HEATR5B: variants seen among roughly 807,000 people sequenced by gnomAD.
HEATR5B encodes HEAT repeat-containing protein 5B.
HEATR5B carries 156 observed loss-of-function variants against 224.1 expected under a neutral mutation model. The ratio of observed to expected loss-of-function variants is 0.70; its 90% CI spans 0.61 to 0.80. HEATR5B has a LOEUF of 0.80. HEATR5B is among the 30% of genes least tolerant of loss of function. The pLI is 0.00. For missense variants in HEATR5B, 2,323 were observed against 2,535.5 expected, an observed-to-expected ratio of 0.92 and a Z score of 1.80; for synonymous variants, 1,027 against 893.0, an observed-to-expected ratio of 1.15 and a Z score of -2.68.
Position 37,060,191 on chromosome 2 carries a change from GAAA to G in HEATR5B, c.1849+387_1849+389del, listed in dbSNP as rs1287468934. Among the ~76,000 whole-genome samples the G allele has an allele frequency of 2.0e-5, 3 of 152,304 alleles. No homozygotes were observed. The East Asian group carries it at 5.8e-4, about 29-fold the overall frequency. ...GAAAAAACAGCTGTTTCTCCATTAT[GAAA>G]AGACTAACTGCAAATGCCAATAACT... is the stretch of plus-strand genomic sequence containing the variant. On this transcript the variant is annotated intron_variant, in intron 12 of 35. Transcript: ENST00000233099.
intron 33 of HEATR5B, among the ~76,000 whole-genome samples, chr2:36,996,092 C>T (rs536642854): frequency 4.7e-5 from 7 of 148,040 alleles, no homozygotes; most frequent in African/African-American, 5.0e-5. Context: ...GAGGGAGTCT[C>T]GCTCTGTCAC....
intron 22 of HEATR5B, among the ~76,000 whole-genome samples, chr2:37,029,254 T>C (rs979047512): frequency 6.6e-5 from 10 of 152,214 alleles, no homozygotes; most frequent in Admixed American, 5.9e-4. Context: ...AACTATTGTA[T>C]TTGTTAGAAG....
Position 37,002,579 on chromosome 2 carries a change from T to C in HEATR5B, c.5051-7A>G. 1 of 1,605,346 alleles carries C rather than the reference T, an allele frequency of 6.2e-7. No homozygotes were observed. The highest frequency in any genetic ancestry group is 8.5e-7 in the Non-Finnish European group (1 of 1,174,610). On this transcript the variant is annotated splice_polypyrimidine_tract_variant and splice_region_variant and intron_variant, in intron 31 of 35. Transcript: ENST00000233099. ...TTTTCCATATCATCTTCATCTGAGG[T>C]AAAAGATAATTTGGTGAAATTTCCA...
intron 18 of HEATR5B, among the ~76,000 whole-genome samples, chr2:37,047,003 T>C (rs903422642): frequency 1.5e-5 from 2 of 137,914 alleles, no homozygotes; most frequent in South Asian, 2.3e-4. Flanking sequence ...TGAGCCAAGA[T>C]TGCACATCTG....
At chr2:37,055,133 G>T in intron 16 of HEATR5B, 2 of 392,586 alleles carry the variant, frequency 5.1e-6, no homozygotes, top group Non-Finnish European at 1.1e-5. Context: ...CAGCCTGCTG[G>T]TTGAAAACCA....
intron 19 of HEATR5B, 137 bp from the exon 20 acceptor site, chr2:37,040,655 G>A: frequency 1.7e-6 from 1 of 602,966 alleles, no homozygotes; most frequent in Non-Finnish European, 2.8e-6. Flanking sequence ...CAGATTGTAG[G>A]ATGTTTTCAT....
At chr2:37,079,397 TA>T in intron 2 of HEATR5B, 66 bp from the exon 3 acceptor site, 1 of 763,806 alleles carries the variant, frequency 1.3e-6, no homozygotes, top group East Asian at 2.7e-5. Flanking sequence ...TTAATCAAAA[TA>T]AAAAACACTT....
intron 17 of HEATR5B, among the ~76,000 whole-genome samples, chr2:37,050,215 T>C (rs1349507255): frequency 6.6e-6 from 1 of 152,186 alleles, no homozygotes; most frequent in African/African-American, 2.4e-5. Context: ...GAAAAATACA[T>C]GCTGCAATCT....
intron 32 of HEATR5B, among the ~76,000 whole-genome samples, 162 bp downstream of exon 32, chr2:37,002,144 T>A (rs552599320): frequency 6.6e-6 from 1 of 152,234 alleles, no homozygotes; most frequent in East Asian, 1.9e-4. Context: ...TTAATCTTCA[T>A]AGGCTCCTAA....
intron 17 of HEATR5B, among the ~76,000 whole-genome samples, chr2:37,052,613 T>C (rs1426412170): frequency 6.6e-6 from 1 of 152,248 alleles, no homozygotes; most frequent in Non-Finnish European, 1.5e-5. Context: ...AAGGAAGCAC[T>C]TTACAGCTTC....
At chr2:37,038,481 T>C (rs565008044) in intron 20 of HEATR5B, among the ~76,000 whole-genome samples, 1 of 152,122 alleles carries the variant, frequency 6.6e-6, no homozygotes, top group Non-Finnish European at 1.5e-5. Context: ...ATCATAAAAA[T>C]CACATAAGAG....
chr2:36,998,195 T>A (rs1271704727), intron 33 of HEATR5B, among the ~76,000 whole-genome samples: 1 of 152,214 alleles, frequency 6.6e-6, no homozygotes, highest in East Asian at 1.9e-4. Flanking sequence ...TTTTCAGTTA[T>A]TTTATATTTT....
At chr2:37,065,677 A>C in intron 9 of HEATR5B, 78 bp downstream of exon 9, 1 of 1,204,110 alleles carries the variant, frequency 8.3e-7, no homozygotes, top group South Asian at 1.4e-5. Flanking sequence ...ATAAGCAACT[A>C]ATCAGGAATT....
chr2:36,996,930 T>G (rs889255201), intron 33 of HEATR5B, among the ~76,000 whole-genome samples: 1 of 152,004 alleles, frequency 6.6e-6, no homozygotes, highest in Non-Finnish European at 1.5e-5. Context: ...GTTTCACCAC[T>G]GAGGCTGGTC....
chr2:37,032,911 G>C (rs1669225992), intron 21 of HEATR5B, 138 bp from the exon 22 acceptor site: 2 of 705,558 alleles, frequency 2.8e-6, no homozygotes, highest in African/African-American at 4.0e-5. Flanking sequence ...ACAGAGTTTT[G>C]CTCTTGTTGC....
intron 7 of HEATR5B, among the ~76,000 whole-genome samples, chr2:37,069,900 C>CTTTT (rs11372186): frequency 2.8e-5 from 4 of 140,372 alleles, no homozygotes; most frequent in African/African-American, 2.6e-5. Flanking sequence ...TGAACAAAAT[C>CTTTT]TTTTTTTTTT....
intron 17 of HEATR5B, 131 bp from the exon 18 acceptor site, chr2:37,049,974 T>TGGG: frequency 2.4e-6 from 2 of 842,874 alleles, no homozygotes; most frequent in Non-Finnish European, 3.4e-6. Flanking sequence ...CACTACAGCC[T>TGGG]CGACCTTCTG....
chr2:37,005,237 G>A (rs531920863), intron 30 of HEATR5B, among the ~76,000 whole-genome samples: 53 of 152,200 alleles, frequency 3.5e-4, no homozygotes, highest in Admixed American at 2.6e-3. Flanking sequence ...AGGAAAACCC[G>A]TCCCGCATGT....
At chr2:37,059,347 AC>A (rs988805129) in intron 12 of HEATR5B, among the ~76,000 whole-genome samples, 52 of 148,360 alleles carry the variant, frequency 3.5e-4, no homozygotes, top group Non-Finnish European at 5.1e-4. Context: ...CTTAAAATTT[AC>A]ATGAAATTTT....
Sources: gnomAD v4.1 joint callset for allele counts (sites outside exome capture counted in the v4.1 genomes callset) on GRCh38, gnomAD v4.1.1 for gene constraint, MANE v1.5 for transcripts, NCBI Gene and HGNC (gene_info 2026-07-23, HGNC 2026-07-21) for gene names.